The following NEMP2 variants were observed in gnomAD, a reference collection of about 807,000 sequenced individuals.
NEMP2 encodes UPF0571 transmembrane protein.
Under a neutral mutation model 54.2 loss-of-function variants are expected in NEMP2, and 53 were observed. That is an observed-to-expected ratio of 0.98 (90% CI 0.78 to 1.23). The LOEUF (loss-of-function observed/expected upper bound fraction) is 1.23. Ranked by LOEUF, NEMP2 falls within the 50% of genes most tolerant of loss-of-function variation. The pLI, the probability that NEMP2 is intolerant of heterozygous loss-of-function variation, is 0.00. For missense variants in NEMP2, 455 were observed against 511.3 expected (o/e 0.89, Z 1.06); for synonymous variants, 197 against 190.3 (o/e 1.04, Z -0.29).
At chr2:190,548,776 T>A in the NEMP2 span, among the ~76,000 whole-genome samples, 1 of 152,228 alleles carries the variant, frequency 6.6e-6, no homozygotes, top group African/African-American at 2.4e-5. Context: ...GCTTAGTGGG[T>A]TATTATACAG....
At chr2:190,496,657 T>TAC in the NEMP2 span, among the ~76,000 whole-genome samples, 1 of 151,606 alleles carries the variant, frequency 6.6e-6, no homozygotes, top group South Asian at 2.1e-4. This position sits in a 1 kb window ranked among gnomAD's most constrained non-coding sequence, Gnocchi z 4.7. Context: ...TATATGTGTA[T>TAC]ATGTGTGTGT....
rs1319660567 is a variant in NEMP2, at chr2:190,509,064, C to T, written c.*125G>A. 1 of 1,408,362 alleles carries T rather than the reference C, an allele frequency of 7.1e-7. No individual in the cohort carries two copies. Among genetic ancestry groups the T allele is most frequent in the South Asian group, 1.5e-5 (1 of 67,048 alleles). The allele number at this position is 1,408,362 out of a possible 1,614,324, so 87.2% of individuals were successfully genotyped here. A position where few individuals can be genotyped will look rare whatever the true frequency, so the allele number is the denominator to read the frequency against. ...GGGTTGGTTTCCCTTTCCAGACTGA[C>T]TTGTTTTTCTCCACAGCAAATGTTT... On this transcript the variant is annotated 3_prime_UTR_variant, in exon 9 of 9. Coordinates refer to ENST00000409150, the MANE Select transcript of NEMP2 (RefSeq NM_001142645.2). The surrounding 1 kb of genome is among the most constrained non-coding windows in gnomAD (Gnocchi z 6.1).
chr2:190,628,784 G>C, the NEMP2 span: 2 of 152,224 alleles, frequency 1.3e-5, no homozygotes, highest in African/African-American at 4.8e-5. This position sits in a 1 kb window ranked among gnomAD's most constrained non-coding sequence, Gnocchi z 4.1. Flanking sequence ...ATGAGAAAAA[G>C]CCAGCTTCCC....
At chr2:190,498,784 C>T in the NEMP2 span, among the ~76,000 whole-genome samples, 14 of 152,264 alleles carry the variant, frequency 9.2e-5, no homozygotes, top group East Asian at 2.7e-3. The surrounding 1 kb of genome is among the most constrained non-coding windows in gnomAD (Gnocchi z 5.9). Flanking sequence ...TTTGTGTACT[C>T]ATCCTCATTT....
At chr2:190,449,565 CAT>C in the NEMP2 span, among the ~76,000 whole-genome samples, 6 of 152,092 alleles carry the variant, frequency 3.9e-5, no homozygotes, top group African/African-American at 1.2e-4. Flanking sequence ...ACATATGACA[CAT>C]ATGTTTATTG....
At chr2:190,582,425 C>A in the NEMP2 span, among the ~76,000 whole-genome samples, 1 of 152,194 alleles carries the variant, frequency 6.6e-6, no homozygotes, top group Admixed American at 6.5e-5. The surrounding 1 kb of genome is among the most constrained non-coding windows in gnomAD (Gnocchi z 4.6). Context: ...ACCACTGATA[C>A]TCCTTTTACA....
the NEMP2 span, among the ~76,000 whole-genome samples, chr2:190,629,214 C>T: frequency 3.9e-4 from 59 of 152,320 alleles, no homozygotes; most frequent in Admixed American, 1.1e-3. Context: ...GCCCGATTCC[C>T]ATGAGCTTTC....
the NEMP2 span, among the ~76,000 whole-genome samples, chr2:190,489,474 G>A: frequency 6.6e-6 from 1 of 152,196 alleles, no homozygotes; most frequent in Non-Finnish European, 1.5e-5. The surrounding 1 kb of genome is among the most constrained non-coding windows in gnomAD (Gnocchi z 6.6). Context: ...CTTTTCATAT[G>A]AAGAGGAGAG....
At chr2:190,463,890 T>C in the NEMP2 span, 1 of 984,650 alleles carries the variant, frequency 1.0e-6, no homozygotes, top group Non-Finnish European at 1.2e-6. This position sits in a 1 kb window ranked among gnomAD's most constrained non-coding sequence, Gnocchi z 4.4. Flanking sequence ...GGGCGCACCA[T>C]ATACTGTCTA....
the NEMP2 span, among the ~76,000 whole-genome samples, chr2:190,563,070 G>A: frequency 3.9e-5 from 6 of 152,262 alleles, no homozygotes; most frequent in South Asian, 1.0e-3. The surrounding 1 kb of genome is among the most constrained non-coding windows in gnomAD (Gnocchi z 4.3). Context: ...AGCATTATCA[G>A]CAAAGCTTTG....
the NEMP2 span, among the ~76,000 whole-genome samples, chr2:190,640,186 ACATT>A: frequency 6.6e-6 from 1 of 152,210 alleles, no homozygotes; most frequent in Admixed American, 6.5e-5. Flanking sequence ...TTTAACTAAT[ACATT>A]ATTTTTTATT....
chr2:190,595,599 C>T, the NEMP2 span, among the ~76,000 whole-genome samples: 1 of 152,116 alleles, frequency 6.6e-6, no homozygotes, highest in African/African-American at 2.4e-5. This position sits in a 1 kb window ranked among gnomAD's most constrained non-coding sequence, Gnocchi z 4.0. Context: ...AGGATATAAA[C>T]AGATACTTCT....
the NEMP2 span, among the ~76,000 whole-genome samples, chr2:190,468,971 C>T: frequency 1.3e-5 from 2 of 152,080 alleles, no homozygotes; most frequent in African/African-American, 4.8e-5. Context: ...TCTTTGCTTC[C>T]AAACCAGCCC....
At chr2:190,436,171 G>C in the NEMP2 span, 1 of 1,614,044 alleles carries the variant, frequency 6.2e-7, no homozygotes, top group Non-Finnish European at 8.5e-7. The surrounding 1 kb of genome is among the most constrained non-coding windows in gnomAD (Gnocchi z 5.3). Context: ...AGAAACATCT[G>C]CTATTCCTGA....
At chr2:190,566,848 G>T in the NEMP2 span, among the ~76,000 whole-genome samples, 1 of 152,030 alleles carries the variant, frequency 6.6e-6, no homozygotes, top group Non-Finnish European at 1.5e-5. Flanking sequence ...CAGATAACAG[G>T]TTTTCCATAC....
At chr2:190,557,857 G>A in the NEMP2 span, among the ~76,000 whole-genome samples, 5 of 152,184 alleles carry the variant, frequency 3.3e-5, no homozygotes, top group African/African-American at 4.8e-5. Context: ...AAATAGGAAC[G>A]CTTTTACACT....
At chr2:190,574,852 T>A in the NEMP2 span, among the ~76,000 whole-genome samples, 2 of 140,980 alleles carry the variant, frequency 1.4e-5, no homozygotes, top group East Asian at 2.3e-4. Context: ...TTTTCTTTTC[T>A]TTTCTTTGCT....
In NEMP2 at chr2:190,531,463, C is replaced by G. The variant is rs1043861041; in HGVS notation, c.97+3096G>C. Reference sequence around the variant, plus strand: ...GCAATCCTCAGCAGGCTCTTTGATGCTTTCAATTAACCTGACTTCTAGAGA... The same window carrying G: ...GCAATCCTCAGCAGGCTCTTTGATGGTTTCAATTAACCTGACTTCTAGAGA... On this transcript the variant is annotated intron_variant, in intron 1 of 8. Coordinates refer to ENST00000409150, the MANE Select transcript of NEMP2 (RefSeq NM_001142645.2). This position sits in a 1 kb window ranked among gnomAD's most constrained non-coding sequence, Gnocchi z 4.7. Among the ~76,000 whole-genome samples, 1 of 152,218 alleles carries G rather than the reference C, an allele frequency of 6.6e-6. No individual in the cohort carries two copies. Among genetic ancestry groups the G allele is most frequent in the Non-Finnish European group, 1.5e-5 (1 of 68,044 alleles).
At chr2:190,433,157 T>C in the NEMP2 span, among the ~76,000 whole-genome samples, 6 of 152,194 alleles carry the variant, frequency 3.9e-5, no homozygotes, top group Non-Finnish European at 8.8e-5. The surrounding 1 kb of genome is among the most constrained non-coding windows in gnomAD (Gnocchi z 4.5). Flanking sequence ...GTCATTTTAG[T>C]GGGTTCAGGG....
Sources: gnomAD v4.1 joint callset for allele counts (sites outside exome capture counted in the v4.1 genomes callset) on GRCh38, gnomAD v4.1.1 for gene constraint, Gnocchi (gnomAD v3.1) non-coding constraint, MANE v1.5 for transcripts, NCBI Gene and HGNC (gene_info 2026-07-23, HGNC 2026-07-21) for gene names.